Variants in IPO9 observed in about 807,000 individuals in gnomAD.
The protein encoded by IPO9 is importin-9.
Under a neutral mutation model 128.6 loss-of-function variants are expected in IPO9, and 28 were observed. The ratio of observed to expected loss-of-function variants is 0.22; its 90% CI spans 0.16 to 0.30. IPO9 has a LOEUF of 0.30. IPO9 is among the 10% of genes least tolerant of loss of function. The probability of loss-of-function intolerance (pLI) is 1.00; values close to 1 mark genes in which losing one functional copy is unlikely to be tolerated. For missense variants in IPO9, 935 were observed against 1,293.9 expected, an observed-to-expected ratio of 0.72 and a Z score of 4.26; for synonymous variants, 455 against 475.8, an observed-to-expected ratio of 0.96 and a Z score of 0.57.
At chr1:201,843,917 G>T (rs1680085340) in intron 1 of IPO9, among the ~76,000 whole-genome samples, 1 of 151,650 alleles carries the variant, frequency 6.6e-6, no homozygotes, top group Admixed American at 6.6e-5. Context: ...AATCATGGAT[G>T]AAAACCAAAA....
chr1:201,868,922 TG>T, intron 16 of IPO9, 126 bp downstream of exon 16: 1 of 1,337,156 alleles, frequency 7.5e-7, no homozygotes, highest in Non-Finnish European at 9.8e-7. Flanking sequence ...TGAGCTCTTT[TG>T]CCTGCAAGGA....
At chr1:201,862,458 A>C (rs1190884405) in intron 13 of IPO9, among the ~76,000 whole-genome samples, 2 of 148,426 alleles carry the variant, frequency 1.3e-5, no homozygotes, top group African/African-American at 5.0e-5. Flanking sequence ...ACTCCATCTC[A>C]AAAAAAAAGA....
intron 1 of IPO9, among the ~76,000 whole-genome samples, chr1:201,834,337 C>T (rs1006331882): frequency 1.3e-5 from 2 of 151,784 alleles, no homozygotes; most frequent in East Asian, 1.9e-4. Flanking sequence ...TATGAACCAC[C>T]GAAGATCTCT....
chr1:201,879,448 T>G lies in IPO9; in HGVS notation c.*3394T>G, dbSNP rs765228254. On this transcript the variant is annotated 3_prime_UTR_variant, in exon 24 of 24. Coordinates refer to ENST00000361565, the MANE Select transcript of IPO9 (RefSeq NM_018085.5). ...GTGTCCTTGGCCCCTCCTTTGATAT[T>G]AGTGACAGATGACTTTTTTTATGCC... is the stretch of plus-strand genomic sequence containing the variant. 1.3e-5 allele frequency: 2 copies of G among 152,210 alleles called. No individual in the cohort carries two copies. The highest frequency in any genetic ancestry group is 2.9e-5 in the Non-Finnish European group (2 of 68,044). 9.4% of individuals were successfully genotyped at this position (152,210 alleles called of 1,614,324 possible). A position where few individuals can be genotyped will look rare whatever the true frequency, so the allele number is the denominator to read the frequency against.
chr1:201,879,649 A>T lies in IPO9; in HGVS notation c.*3595A>T, dbSNP rs924171330. On this transcript the variant is annotated 3_prime_UTR_variant, in exon 24 of 24. Coordinates refer to ENST00000361565, the MANE Select transcript of IPO9 (RefSeq NM_018085.5). ...AAACTATAAAAATGAGCAGAATCTA[A>T]ATGTAACATTTCAATAAATGCAGAT... 6.6e-6 allele frequency: 1 copy of T among 152,262 alleles called. No homozygotes were observed. The highest frequency in any genetic ancestry group is 1.5e-5 in the Non-Finnish European group (1 of 68,056). The allele number at this position is 152,262 out of a possible 1,614,324, so 9.4% of individuals were successfully genotyped here.
Position 201,874,465 on chromosome 1 carries a change from T to A in IPO9, c.2833+93T>A, listed in dbSNP as rs974337647. 4.1e-6 allele frequency: 6 copies of A among 1,457,206 alleles called. No individual in the cohort carries two copies. The African/African-American group carries it at 5.7e-5, about 14-fold the overall frequency. 90.3% of individuals were successfully genotyped at this position (1,457,206 alleles called of 1,614,324 possible). On this transcript the variant is annotated intron_variant, in intron 21 of 23. Coordinates refer to ENST00000361565, the MANE Select transcript of IPO9 (RefSeq NM_018085.5). ...CAACTTGGTTTGTTGAGTCACTAATTGAAAAAAAAAGTTGATGGAATGGCT... is the reference window on the plus strand; with the variant it reads ...CAACTTGGTTTGTTGAGTCACTAATAGAAAAAAAAAGTTGATGGAATGGCT...
rs190883785 is a variant in IPO9, at chr1:201,873,040, C to A, written c.2710+79C>A. 3.7e-5 allele frequency: 53 copies of A among 1,427,596 alleles called. No homozygotes were observed. The East Asian group carries it at 1.2e-3, about 32-fold the overall frequency. The allele number at this position is 1,427,596 out of a possible 1,614,324, so 88.4% of individuals were successfully genotyped here. A position where few individuals can be genotyped will look rare whatever the true frequency, so the allele number is the denominator to read the frequency against. On this transcript the variant is annotated intron_variant, in intron 20 of 23. Transcript: ENST00000361565. Reference sequence around the variant, plus strand: ...TACCTGGGTGAAGGGAAGGAATGCACTGTGGTGTATATTTTTAAAACAATT... The same window carrying A: ...TACCTGGGTGAAGGGAAGGAATGCAATGTGGTGTATATTTTTAAAACAATT...
At chr1:201,859,876 C>T (rs1284324679) in intron 13 of IPO9, among the ~76,000 whole-genome samples, 1 of 151,880 alleles carries the variant, frequency 6.6e-6, no homozygotes, top group East Asian at 1.9e-4. Flanking sequence ...AGGAGAATCA[C>T]TTGAACCAGG....
chr1:201,831,039 A>G (rs891218628), intron 1 of IPO9, among the ~76,000 whole-genome samples: 7 of 152,026 alleles, frequency 4.6e-5, no homozygotes, highest in African/African-American at 9.7e-5. Context: ...GTCTCGCTCT[A>G]TCGTGTAGAC....
intron 1 of IPO9, among the ~76,000 whole-genome samples, chr1:201,831,318 A>G (rs761724388): frequency 2.0e-5 from 3 of 152,198 alleles, no homozygotes; most frequent in Admixed American, 6.5e-5. Flanking sequence ...AAGTATGGAA[A>G]GGCATCGATG....
chr1:201,862,536 A>G (rs1259854449), intron 13 of IPO9, among the ~76,000 whole-genome samples: 1 of 151,324 alleles, frequency 6.6e-6, no homozygotes, highest in Non-Finnish European at 1.5e-5. Context: ...GGCGGGTACC[A>G]TGGCTCACAC....
At chr1:201,856,032 T>C in intron 10 of IPO9, 98 bp downstream of exon 10, 1 of 880,328 alleles carries the variant, frequency 1.1e-6, no homozygotes, top group Non-Finnish European at 1.7e-6. Flanking sequence ...TTTCTAAAAA[T>C]AGACACAAAA....
In IPO9 at chr1:201,857,180, C is replaced by G; in HGVS notation, c.1207C>G (p.Gln403Glu). 1 of 1,603,204 alleles carries G rather than the reference C, an allele frequency of 6.2e-7. No individual in the cohort carries two copies. The highest frequency in any genetic ancestry group is 8.5e-7 in the Non-Finnish European group (1 of 1,170,164). The stretch of plus-strand genomic sequence containing the variant: ...CTCCTATACTGTTAGAATAGCAGCT[C>G]AAGACTTGTTGCTGGTAAGTTTACC... ...TFSYTVRIAA[Q>E]DLLLAVATDF... The change falls in exon 11 of 24, where the codon CAA (glutamine) becomes GAA (glutamate). Residue 403 changes from glutamine (Q) to glutamate (E), a missense_variant. Physicochemically the swap from Gln to Glu is conservative, Grantham distance 29. Transcript: ENST00000361565.
At chr1:201,854,465 A>C (rs41300871) in intron 6 of IPO9, 130 bp from the exon 7 acceptor site, 36 of 1,149,928 alleles carry the variant, frequency 3.1e-5, no homozygotes, top group Non-Finnish European at 4.4e-5. Flanking sequence ...CTTTATAGCT[A>C]TTCTCTTCTG....
chr1:201,860,149 C>T (rs544598385), intron 13 of IPO9, among the ~76,000 whole-genome samples: 2 of 152,302 alleles, frequency 1.3e-5, no homozygotes, highest in East Asian at 1.9e-4. Context: ...GTACTTAAAT[C>T]ATGGAACCTT....
At chr1:201,864,708 GTACCTATCAGGCATACT>G (rs1364420724) in intron 14 of IPO9, among the ~76,000 whole-genome samples, 17 of 152,232 alleles carry the variant, frequency 1.1e-4, no homozygotes, top group Non-Finnish European at 1.9e-4. Context: ...GTAGACAGCA[GTACCTATCAGGCATACT>G]TACCAACATT....
chr1:201,859,100 T>C (rs1016795909), intron 13 of IPO9, 106 bp downstream of exon 13: 6 of 1,122,202 alleles, frequency 5.3e-6, no homozygotes, highest in Non-Finnish European at 6.3e-6. Context: ...GACAAGTTAA[T>C]GGGTGCAGCA....
At position 201,874,959 on chromosome 1, in the gene IPO9, A is replaced by G. The variant is rs375179036; in HGVS notation, c.2938+23A>G. 4 of 1,540,026 alleles carry G rather than the reference A, an allele frequency of 2.6e-6. No individual in the cohort carries two copies. The African/African-American group carries it at 5.4e-5, about 21-fold the overall frequency. On this transcript the variant is annotated intron_variant, in intron 22 of 23. Transcript: ENST00000361565. ...ATGGTAAGCTGTTTGATAAGAGGAC[A>G]GCCATGGTAAATACCTTTTCTTTGC...
intron 1 of IPO9, among the ~76,000 whole-genome samples, chr1:201,834,546 C>G (rs1679891293): frequency 2.6e-5 from 4 of 152,148 alleles, no homozygotes; most frequent in African/African-American, 9.7e-5. Context: ...TACTTTTCCT[C>G]TAAGAATGGC....
Sources: gnomAD v4.1 joint callset for allele counts (sites outside exome capture counted in the v4.1 genomes callset) on GRCh38, gnomAD v4.1.1 for gene constraint, MANE v1.5 for transcripts, NCBI Gene and HGNC (gene_info 2026-07-23, HGNC 2026-07-21) for gene names.